Variants in FOXK2 observed in about 807,000 individuals in gnomAD.
FOXK2 encodes the protein forkhead box K2, also known as forkhead box protein K2.
Under a neutral mutation model 53.3 loss-of-function variants are expected in FOXK2, and 24 were observed. The ratio of observed to expected loss-of-function variants is 0.45; its 90% CI spans 0.33 to 0.63. The LOEUF (loss-of-function observed/expected upper bound fraction) is 0.63, where lower values mean the gene tolerates loss of function less well. Ranked by LOEUF, FOXK2 falls within the 30% of genes least tolerant of loss-of-function variation. The pLI is 0.03. For synonymous variants in FOXK2, 505 were observed against 407.1 expected, an observed-to-expected ratio of 1.24 and a Z score of -2.89; for missense variants, 952 against 910.5, an observed-to-expected ratio of 1.05 and a Z score of -0.59.
At chr17:82,522,247 A>G (rs1211013939) in intron 1 of FOXK2, among the ~76,000 whole-genome samples, 3 of 151,916 alleles carry the variant, frequency 2.0e-5, no homozygotes, top group African/African-American at 7.3e-5. Flanking sequence ...CCCAGTGCTC[A>G]GGAGTTTGAA....
At chr17:82,567,554 T>G (rs958986825) in intron 2 of FOXK2, among the ~76,000 whole-genome samples, 20 of 152,226 alleles carry the variant, frequency 1.3e-4, no homozygotes, top group Admixed American at 7.9e-4. Context: ...TGTCCACGGC[T>G]TCATCTTCAG....
intron 1 of FOXK2, among the ~76,000 whole-genome samples, chr17:82,562,664 A>G (rs145282728): frequency 6.5e-4 from 99 of 152,170 alleles, no homozygotes; most frequent in African/African-American, 2.0e-3. Context: ...ATACATTTGT[A>G]TGTTTGTTTT....
chr17:82,545,223 G>A (rs535476394), intron 1 of FOXK2, among the ~76,000 whole-genome samples: 6 of 152,262 alleles, frequency 3.9e-5, no homozygotes, highest in South Asian at 2.1e-4. Context: ...AAGACGTGAC[G>A]TCATCAGCAT....
intron 1 of FOXK2, among the ~76,000 whole-genome samples, chr17:82,542,370 G>A (rs2044583201): frequency 6.6e-6 from 1 of 151,986 alleles, no homozygotes; most frequent in Non-Finnish European, 1.5e-5. Flanking sequence ...TCACCATGTT[G>A]GCCAGGCTGG....
At chr17:82,521,176 T>C (rs1328791440) in intron 1 of FOXK2, among the ~76,000 whole-genome samples, 1 of 152,096 alleles carries the variant, frequency 6.6e-6, no homozygotes, top group Non-Finnish European at 1.5e-5. Context: ...GGAATTTTTT[T>C]GTTTTTTGTT....
rs2045143095 is a variant in FOXK2, at chr17:82,586,202, T to TGGGCGGGGGGGGAA, written c.1576+2_1576+3insGGGCGGGGGGGGAA. On this transcript the variant is annotated splice_region_variant and intron_variant, in intron 7 of 8. Transcript: ENST00000335255. ...ATGGAGACCACAGGGAAGTCAAAGGTAGGCGGAGGGGAAAGGAGGAGAGGG... is the reference window on the plus strand; with the variant it reads ...ATGGAGACCACAGGGAAGTCAAAGGTGGGCGGGGGGGGAAAGGCGGAGGGGAAAGGAGGAGAGGG... The TGGGCGGGGGGGGAA allele has an allele frequency of 6.5e-7, 1 of 1,548,576 alleles. No individual in the cohort carries two copies. The highest frequency in any genetic ancestry group is 1.6e-5 in the African/African-American group (1 of 63,714).
Position 82,526,581 on chromosome 17 carries a change from A to G in FOXK2, c.419+6274A>G, listed in dbSNP as rs187826666. ...TGCGGTGGCTCACGCCTGTGATCCC[A>G]GCACTTTGGGAGGCCGAGGCAGGTG... On this transcript the variant is annotated intron_variant, in intron 1 of 8. Coordinates refer to ENST00000335255, the MANE Select transcript of FOXK2 (RefSeq NM_004514.4). Among the ~76,000 whole-genome samples the G allele has an allele frequency of 3.1e-3, 473 of 152,240 alleles. 2 individuals are homozygous for G. The highest frequency in any genetic ancestry group is 0.011 in the African/African-American group (449 of 41,542).
chr17:82,520,578 G>C (rs961882441), intron 1 of FOXK2, among the ~76,000 whole-genome samples: 54 of 152,242 alleles, frequency 3.5e-4, no homozygotes, highest in African/African-American at 1.2e-3. Context: ...CTGCGCGCGC[G>C]GGTCAAGGTT....
rs757703270 is a variant in FOXK2, at chr17:82,584,067, C to T, written c.1158C>T (p.Gly386=). 27 of 1,611,586 alleles carry T rather than the reference C, an allele frequency of 1.7e-5. No homozygotes were observed. Among genetic ancestry groups the T allele is most frequent in the Middle Eastern group, 1.6e-4 (1 of 6,082 alleles). Reference sequence around the variant, plus strand: ...GAGTGCTGTCTGCTCACTCTAGTGGCGCCCAGACCCCTGAGAGCCTGTCGA... The same window carrying T: ...GAGTGCTGTCTGCTCACTCTAGTGGTGCCCAGACCCCTGAGAGCCTGTCGA... The part of the protein sequence containing the change: ...HAGVLSAHSS[G]AQTPESLSRE... The change falls in exon 6 of 9, where the codon GGC becomes GGT. Residue 386 remains glycine (G), a synonymous_variant. Coordinates refer to ENST00000335255, the MANE Select transcript of FOXK2 (RefSeq NM_004514.4).
At chr17:82,522,994 C>T (rs1453683894) in intron 1 of FOXK2, among the ~76,000 whole-genome samples, 1 of 152,070 alleles carries the variant, frequency 6.6e-6, no homozygotes, top group Non-Finnish European at 1.5e-5. Flanking sequence ...GGGGTTTTAC[C>T]ATGTTGGCCA....
At chr17:82,595,736 C>T (rs1445886888) in intron 8 of FOXK2, 2 of 1,282,006 alleles carry the variant, frequency 1.6e-6, no homozygotes, top group South Asian at 2.5e-5. Flanking sequence ...CCTAAAAGTG[C>T]ACCTGGCTCC....
At chr17:82,571,474 G>T (rs1005893819) in intron 3 of FOXK2, among the ~76,000 whole-genome samples, 2 of 151,960 alleles carry the variant, frequency 1.3e-5, no homozygotes, top group Admixed American at 1.3e-4. Context: ...GGTGGCAGGC[G>T]CCTGTGATCC....
At chr17:82,539,164 G>A (rs966040292) in intron 1 of FOXK2, among the ~76,000 whole-genome samples, 9 of 146,876 alleles carry the variant, frequency 6.1e-5, no homozygotes, top group Admixed American at 2.1e-4. Context: ...GCTCAGACCC[G>A]TAATCTCAGC....
chr17:82,583,232 C>T (rs1452134506), intron 5 of FOXK2, among the ~76,000 whole-genome samples: 2 of 152,216 alleles, frequency 1.3e-5, no homozygotes, highest in Admixed American at 1.3e-4. Context: ...TTTCCCTTGG[C>T]ACAGGAAAAG....
chr17:82,553,840 T>G (rs557674642), intron 1 of FOXK2, among the ~76,000 whole-genome samples: 21 of 152,254 alleles, frequency 1.4e-4, no homozygotes, highest in Admixed American at 5.9e-4. Flanking sequence ...AAGTACTTTT[T>G]TTTTTATTTC....
At position 82,603,719 on chromosome 17, in the gene FOXK2, GTTT is replaced by G. The variant is rs10615625; in HGVS notation, c.*2236_*2238del. The G allele has an allele frequency of 0.69, 96,107 of 138,632 alleles. 34,264 individuals carry two copies. Among genetic ancestry groups the G allele is most frequent in the Middle Eastern group, 0.83 (227 of 274 alleles). 8.6% of individuals were successfully genotyped at this position (138,632 alleles called of 1,614,324 possible). The stretch of plus-strand genomic sequence containing the variant: ...CAAATGGTAAAGAAGGGAGGAGGGT[GTTT>G]TTTTTTTTTTTTTTTGCCGTAGGCA... On this transcript the variant is annotated 3_prime_UTR_variant, in exon 9 of 9. Coordinates refer to ENST00000335255, the MANE Select transcript of FOXK2 (RefSeq NM_004514.4).
intron 1 of FOXK2, among the ~76,000 whole-genome samples, chr17:82,556,133 A>G (rs1005625103): frequency 6.6e-6 from 1 of 152,028 alleles, no homozygotes; most frequent in African/African-American, 2.4e-5. Flanking sequence ...TCACTGACGC[A>G]GTCAGAATCT....
chr17:82,555,508 A>G (rs1440860633), intron 1 of FOXK2, among the ~76,000 whole-genome samples: 1 of 152,176 alleles, frequency 6.6e-6, no homozygotes, highest in Non-Finnish European at 1.5e-5. Context: ...GTTTTAATGT[A>G]TCTTGTTTCG....
chr17:82,575,648 G>A (rs541540667), intron 4 of FOXK2, among the ~76,000 whole-genome samples: 1 of 152,302 alleles, frequency 6.6e-6, no homozygotes, highest in South Asian at 2.1e-4. Context: ...TTAAGACTAG[G>A]AGTGGCTTTT....
Sources: gnomAD v4.1 joint callset for allele counts (sites outside exome capture counted in the v4.1 genomes callset) on GRCh38, gnomAD v4.1.1 for gene constraint, MANE v1.5 for transcripts, NCBI Gene and HGNC (gene_info 2026-07-23, HGNC 2026-07-21) for gene names.